Variants in KRT10 observed in about 807,000 individuals in gnomAD.
The protein encoded by KRT10 is keratin, type I cytoskeletal 10.
KRT10 carries 40 observed loss-of-function variants against 59.2 expected under a neutral mutation model. The observed-to-expected ratio is 0.68, with a 90% CI of 0.52 to 0.88. The LOEUF (loss-of-function observed/expected upper bound fraction) is 0.88, where lower values mean the gene tolerates loss of function less well. Among genes scored for constraint, KRT10 ranks in the 40% least tolerant of loss-of-function variants. The probability of loss-of-function intolerance (pLI) is 0.00; values close to 1 mark genes in which losing one functional copy is unlikely to be tolerated. For missense variants in KRT10, 719 were observed against 749.1 expected, an observed-to-expected ratio of 0.96 and a Z score of 0.47; for synonymous variants, 336 against 310.7, an observed-to-expected ratio of 1.08 and a Z score of -0.86.
chr17:40,819,976 G>A, intron 5 of KRT10, 73 bp downstream of exon 5: 1 of 1,552,518 alleles, frequency 6.4e-7, no homozygotes, highest in Non-Finnish European at 8.9e-7. Flanking sequence ...TTTTTTTGTT[G>A]CATTGCATAT....
At chr17:40,820,454 A>C (rs1411408483) in intron 3 of KRT10, 31 bp from the exon 4 acceptor site, 1 of 1,614,184 alleles carries the variant, frequency 6.2e-7, no homozygotes, top group South Asian at 1.1e-5. Context: ...TTTATTGGCT[A>C]CACGAGGACC....
rs1267324823 is a variant in KRT10 at position 40,819,098 on chromosome 17, G to A, written c.1437C>T (p.Gly479=). The A allele has an allele frequency of 1.4e-6, 2 of 1,465,798 alleles. No homozygotes were observed. Among genetic ancestry groups the A allele is most frequent in the Non-Finnish European group, 1.8e-6 (2 of 1,109,524 alleles). The allele number at this position is 1,465,798 out of a possible 1,614,324, so 90.8% of individuals were successfully genotyped here. ...FGGGYGGGSS[G]GGSSGGGHGG... ...CGTGGCCGCCGCCGGAGCTTCCGCC[G>A]CCGGAGCTTCCGCCGCCGTAGCCGC... The change falls in exon 7 of 8, where the codon GGC becomes GGT. Residue 479 remains glycine, a synonymous_variant. Transcript: ENST00000269576.
rs750064320 is a variant in KRT10, at chr17:40,819,549, T to A, written c.1341A>T (p.Gln447His). The part of the protein sequence containing the change: ...DIKIRLENEI[Q>H]TYRSLLEGEG... ...CTCCTTCTAGCAGGCTGCGGTAGGTTTGAATTTCATTCTCCAGTCGGATCT... is the reference window on the plus strand; with the variant it reads ...CTCCTTCTAGCAGGCTGCGGTAGGTATGAATTTCATTCTCCAGTCGGATCT... Residue 447 changes from glutamine to histidine, a missense_variant, in exon 6 of 8, where the codon CAA becomes CAT. Transcript: ENST00000269576. The A allele has an allele frequency of 6.2e-6, 10 of 1,614,112 alleles. No individual in the cohort carries two copies. The highest frequency in any genetic ancestry group is 8.5e-6 in the Non-Finnish European group (10 of 1,180,030).
In KRT10 at chr17:40,822,482, C is replaced by T; in HGVS notation, c.104G>A (p.Arg35Lys). ...AAGGGAGCCTTTGCTGCTAGAAATT[C>T]TTAGGGATGACACTCCTCCTCCTCC... ...CGGGGGVSSL[R>K]ISSSKGSLGG... The change falls in exon 1 of 8, where the codon AGA becomes AAA. Residue 35 changes from arginine to lysine, a missense_variant. This residue lies in a region of KRT10 where 176 missense variants were observed against 175.7 expected (regional missense o/e 1.00). Coordinates refer to ENST00000269576, the MANE Select transcript of KRT10 (RefSeq NM_000421.5). 1 of 1,613,792 alleles carries T rather than the reference C, an allele frequency of 6.2e-7. No individual in the cohort carries two copies. Among genetic ancestry groups the T allele is most frequent in the East Asian group, 2.2e-5 (1 of 44,864 alleles).
At position 40,818,394 on chromosome 17, in the gene KRT10, G is replaced by C. The variant is rs1905144937; in HGVS notation, c.*82C>G. ...ATGCAGTTTAATAGTAGTGTTTCTT[G>C]GTTTCTGATTCAACCATAGATGAAA... is the stretch of plus-strand genomic sequence containing the variant. On this transcript the variant is annotated 3_prime_UTR_variant, in exon 8 of 8. Coordinates refer to ENST00000269576, the MANE Select transcript of KRT10 (RefSeq NM_000421.5). 4 of 1,598,200 alleles carry C rather than the reference G, an allele frequency of 2.5e-6. No individual in the cohort carries two copies. The highest frequency in any genetic ancestry group is 3.4e-6 in the Non-Finnish European group (4 of 1,167,288).
In KRT10 at chr17:40,819,076, G is replaced by GGCCGCCGCCGGAGCT. The variant is rs1176414984; in HGVS notation, c.1444_1458dup (p.Ser482_Gly486dup). 10 of 1,330,724 alleles carry GGCCGCCGCCGGAGCT rather than the reference G, an allele frequency of 7.5e-6. No individual in the cohort carries two copies. The East Asian group carries it at 3.7e-4, about 49-fold the overall frequency. 82.4% of individuals were successfully genotyped at this position (1,330,724 alleles called of 1,614,324 possible). On this transcript the variant is annotated inframe_insertion, in exon 7 of 8. Coordinates refer to ENST00000269576, the MANE Select transcript of KRT10 (RefSeq NM_000421.5). ...GAACTGCCGCCGTGGCCGCCGCCGT[G>GGCCGCCGCCGGAGCT]GCCGCCGCCGGAGCTTCCGCCGCCG...
rs1242175747 is a variant in KRT10, at chr17:40,820,167, T to A, written c.1037A>T (p.Glu346Val). Residue 346 changes from glutamate (E) to valine (V), a missense_variant, in exon 5 of 8, where the codon GAA (glutamate) becomes GTA (valine). Around this residue, in one of 4 missense-constraint regions of KRT10, gnomAD observed 221 missense variants for 277.8 expected, o/e 0.80. Transcript: ENST00000269576. ...AEAWFNEKSK[E>V]LTTEIDNNIE... is the part of the protein sequence containing the mutation. Reference sequence around the variant, plus strand: ...GTTATTATCAATTTCTGTAGTCAGTTCCTTGCTCTAGAGTATTAAAAACAA... The same window carrying A: ...GTTATTATCAATTTCTGTAGTCAGTACCTTGCTCTAGAGTATTAAAAACAA... The A allele has an allele frequency of 1.2e-6, 2 of 1,614,142 alleles. No individual in the cohort carries two copies. The highest frequency in any genetic ancestry group is 2.7e-5 in the African/African-American group (2 of 75,056).
At chr17:40,820,475 C>CT (rs1905308897) in intron 3 of KRT10, 36 bp downstream of exon 3, 1 of 1,614,178 alleles carries the variant, frequency 6.2e-7, no homozygotes. Flanking sequence ...ATAATGAACT[C>CT]TCTTTTGGCT....
rs1905154589 is a variant in KRT10 at position 40,818,576 on chromosome 17, T to C, written c.1749-94A>G. 16 of 1,253,450 alleles carry C rather than the reference T, an allele frequency of 1.3e-5. No homozygotes were observed. The East Asian group carries it at 3.5e-4, about 28-fold the overall frequency. The allele number at this position is 1,253,450 out of a possible 1,614,324, so 77.6% of individuals were successfully genotyped here. On this transcript the variant is annotated intron_variant, in intron 7 of 7. Coordinates refer to ENST00000269576, the MANE Select transcript of KRT10 (RefSeq NM_000421.5). ...TGTAAAAAGAAGGAAATTTCAACTT[T>C]ACATTGTTAAGCCCAAAAAAATGCT...
intron 7 of KRT10, 78 bp from the exon 8 acceptor site, chr17:40,818,560 A>G: frequency 7.8e-7 from 1 of 1,284,084 alleles, no homozygotes; most frequent in Non-Finnish European, 1.1e-6. Flanking sequence ...TTGTAAAAAG[A>G]AGGAAATTTC....
At chr17:40,820,977 G>T in intron 2 of KRT10, 58 bp downstream of exon 2, 2 of 1,350,000 alleles carry the variant, frequency 1.5e-6, no homozygotes, top group Non-Finnish European at 2.1e-6. Flanking sequence ...CCAAGTCATT[G>T]TTAAAAACCA....
chr17:40,820,051 A>G lies in KRT10; in HGVS notation c.1153T>C (p.Leu385=). The G allele has an allele frequency of 1.2e-5, 19 of 1,612,710 alleles. No individual in the cohort carries two copies. The highest frequency in any genetic ancestry group is 1.6e-5 in the Non-Finnish European group (19 of 1,179,998). ...TCATTTCATGAGAGTTAACATACCAAGGCCAGTTGGGACTGTAGTTCTATC... is the reference window on the plus strand; with the variant it reads ...TCATTTCATGAGAGTTAACATACCAGGGCCAGTTGGGACTGTAGTTCTATC... ...LEIELQSQLA[L]KQSLEASLAE... The change falls in exon 5 of 8, where the codon TTG becomes CTG. Residue 385 remains leucine (L), a splice_region_variant and synonymous_variant. Coordinates refer to ENST00000269576, the MANE Select transcript of KRT10 (RefSeq NM_000421.5).
At position 40,818,296 on chromosome 17, in the gene KRT10, T is replaced by G. The variant is rs1055021753; in HGVS notation, c.*180A>C. 9.3e-6 allele frequency: 7 copies of G among 752,516 alleles called. No homozygotes were observed. Among genetic ancestry groups the G allele is most frequent in the Non-Finnish European group, 1.5e-5 (7 of 452,458 alleles). The allele number at this position is 752,516 out of a possible 1,614,324, so 46.6% of individuals were successfully genotyped here. Reference sequence around the variant, plus strand: ...TTTCCATAGACCATCAAGACAGAAGTGTTTTCTTGGAGACTTTGTTTTCCA... The same window carrying G: ...TTTCCATAGACCATCAAGACAGAAGGGTTTTCTTGGAGACTTTGTTTTCCA... On this transcript the variant is annotated 3_prime_UTR_variant, in exon 8 of 8. Transcript: ENST00000269576.
rs1905206630 is a variant in KRT10 at position 40,819,034 on chromosome 17, C to CGCCGGAGCT, written c.1500_1501insAGCTCCGGC (p.Gly500_Gly501insSerSerGly). 1 of 1,379,804 alleles carries CGCCGGAGCT rather than the reference C, an allele frequency of 7.2e-7. No individual in the cohort carries two copies. Among genetic ancestry groups the CGCCGGAGCT allele is most frequent in the Non-Finnish European group, 9.4e-7 (1 of 1,058,540 alleles). The allele number at this position is 1,379,804 out of a possible 1,614,324, so 85.5% of individuals were successfully genotyped here. ...GAGCTTCCGCCGCCGGAGCTTCCGC[C>CGCCGGAGCT]TCCGTAGCCGCCGCCGGAACTGCCG... On this transcript the variant is annotated inframe_insertion, in exon 7 of 8. Coordinates refer to ENST00000269576, the MANE Select transcript of KRT10 (RefSeq NM_000421.5).
rs754922060 is a variant in KRT10 at position 40,822,110 on chromosome 17, G to C, written c.476C>G (p.Ser159Cys). ...CAGAGCCCGAACTTTGTCCAAGTAGGAAGCCAGGCGGTCATTCAGATTCTG... is the reference window on the plus strand; with the variant it reads ...CAGAGCCCGAACTTTGTCCAAGTAGCAAGCCAGGCGGTCATTCAGATTCTG... ...TMQNLNDRLASYLDKVRALEE... is the reference protein window; with the variant it reads ...TMQNLNDRLACYLDKVRALEE... Residue 159 changes from serine to cysteine, a missense_variant, in exon 1 of 8, where the codon TCC becomes TGC. Transcript: ENST00000269576. The C allele has an allele frequency of 6.2e-7, 1 of 1,614,044 alleles. No individual in the cohort carries two copies. Among genetic ancestry groups the C allele is most frequent in the Non-Finnish European group, 8.5e-7 (1 of 1,179,986 alleles).
Position 40,818,937 on chromosome 17 carries a change from C to A in KRT10, c.1598G>T (p.Gly533Val). 1 of 1,343,670 alleles carries A rather than the reference C, an allele frequency of 7.4e-7. No homozygotes were observed. Among genetic ancestry groups the A allele is most frequent in the Non-Finnish European group, 9.6e-7 (1 of 1,041,312 alleles). The allele number at this position is 1,343,670 out of a possible 1,614,324, so 83.2% of individuals were successfully genotyped here. A position where few individuals can be genotyped will look rare whatever the true frequency, so the allele number is the denominator to read the frequency against. Residue 533 changes from glycine to valine, a missense_variant, in exon 7 of 8, where the codon GGC becomes GTC. Gly to Val is a moderately radical substitution (Grantham distance 109, BLOSUM62 -3). This residue lies in a region of KRT10 where 315 missense variants were observed against 270.6 expected (regional missense o/e 1.16). Transcript: ENST00000269576. ...GCCGCCGCCGCCGCCGCCGGAACTG[C>A]CACCACCGTAGCCGCCGCTGGAACT... ...GGSSSGGYGG[G>V]SSGGGGGGYG...
intron 5 of KRT10, 55 bp downstream of exon 5, chr17:40,819,994 T>G: frequency 6.2e-7 from 1 of 1,603,356 alleles, no homozygotes. Flanking sequence ...TATTCTTAGG[T>G]GAGCATGAAA....
chr17:40,820,998 C>T (rs190783500), intron 2 of KRT10, 37 bp downstream of exon 2: 13 of 1,476,394 alleles, frequency 8.8e-6, no homozygotes, highest in Middle Eastern at 1.7e-4. Flanking sequence ...CTGATGTATT[C>T]GTTGTGATAG....
rs1905204022 is a variant in KRT10, at chr17:40,819,017, G to A, written c.1518C>T (p.Gly506=). 2 of 1,368,802 alleles carry A rather than the reference G, an allele frequency of 1.5e-6. No homozygotes were observed. The highest frequency in any genetic ancestry group is 1.9e-6 in the Non-Finnish European group (2 of 1,051,404). 84.8% of individuals were successfully genotyped at this position (1,368,802 alleles called of 1,614,324 possible). A position where few individuals can be genotyped will look rare whatever the true frequency, so the allele number is the denominator to read the frequency against. ...GGGYGGGSSG[G]GSSGGGYGGG... is the part of the protein sequence containing the mutation. ...CCCCGTAGCCGCCGCCGGAGCTTCCGCCGCCGGAGCTTCCGCCTCCGTAGC... is the reference window on the plus strand; with the variant it reads ...CCCCGTAGCCGCCGCCGGAGCTTCCACCGCCGGAGCTTCCGCCTCCGTAGC... The change falls in exon 7 of 8, where the codon GGC becomes GGT. Residue 506 remains glycine (G), a synonymous_variant. Coordinates refer to ENST00000269576, the MANE Select transcript of KRT10 (RefSeq NM_000421.5).
Sources: gnomAD v4.1 joint callset for allele counts on GRCh38, gnomAD v4.1.1 for gene constraint, gnomAD v4.1.1 regional missense constraint, MANE v1.5 for transcripts, NCBI Gene and HGNC (gene_info 2026-07-23, HGNC 2026-07-21) for gene names.